The following CDH12 variants were observed in gnomAD, a reference collection of about 807,000 sequenced individuals.
CDH12 encodes the protein cadherin 12.
Under a neutral mutation model 74.1 loss-of-function variants are expected in CDH12, and 41 were observed. The observed-to-expected ratio is 0.55, with a 90% CI of 0.43 to 0.72. The LOEUF (loss-of-function observed/expected upper bound fraction) is 0.72. Among genes scored for constraint, CDH12 ranks in the 30% least tolerant of loss-of-function variants. The pLI is 0.00. For synonymous variants in CDH12, 399 were observed against 355.0 expected (o/e 1.12, Z -1.39); for missense variants, 945 against 977.2 (o/e 0.97, Z 0.44).
rs1742552176 is a variant in CDH12 at position 22,698,735 on chromosome 5, AGTG to A, written c.-523+154320_-523+154322del. Among the ~76,000 whole-genome samples the A allele has an allele frequency of 5.2e-3, 75 of 14,512 alleles. 13 individuals are homozygous for A. Among genetic ancestry groups the A allele is most frequent in the Non-Finnish European group, 7.5e-3 (64 of 8,514 alleles). The allele number at this position is 14,512 out of a possible 152,430, so 9.5% of individuals were successfully genotyped here. On this transcript the variant is annotated intron_variant, in intron 1 of 14. Transcript: ENST00000382254. ...TATATATATATATATATATATATAT[AGTG>A]TGTGTGTGTGTGTGTGTGTGTGTGT...
chr5:22,549,220 G>T (rs745335278), intron 1 of CDH12, among the ~76,000 whole-genome samples: 1 of 151,346 alleles, frequency 6.6e-6, no homozygotes, highest in African/African-American at 2.4e-5. Context: ...CAATCCTCCC[G>T]CCTAGGACTC....
chr5:22,414,610 T>C (rs1241530027), intron 2 of CDH12, among the ~76,000 whole-genome samples: 2 of 151,972 alleles, frequency 1.3e-5, no homozygotes, highest in Admixed American at 6.6e-5. Flanking sequence ...TTTCTAATTG[T>C]TAACATTATT....
intron 1 of CDH12, among the ~76,000 whole-genome samples, chr5:22,583,050 A>G (rs1740184714): frequency 6.6e-6 from 1 of 151,620 alleles, no homozygotes; most frequent in African/African-American, 2.4e-5. Context: ...AGGTACGCAG[A>G]AATAGTAACA....
chr5:21,980,123 A>G (rs1465182834), intron 5 of CDH12, among the ~76,000 whole-genome samples: 1 of 149,218 alleles, frequency 6.7e-6, no homozygotes, highest in East Asian at 1.9e-4. Flanking sequence ...CGCCCACTTC[A>G]TGTACCCTAA....
chr5:22,485,509 T>C (rs1483827807), intron 2 of CDH12, among the ~76,000 whole-genome samples: 3 of 152,226 alleles, frequency 2.0e-5, no homozygotes, highest in African/African-American at 7.2e-5. Flanking sequence ...TTTTTCATCC[T>C]TTTTATTCTT....
chr5:22,235,804 G>A (rs1752539868), intron 3 of CDH12, among the ~76,000 whole-genome samples: 1 of 152,108 alleles, frequency 6.6e-6, no homozygotes, highest in South Asian at 2.1e-4. Flanking sequence ...CTTAACACTA[G>A]GGATATGTTC....
At chr5:22,672,547 A>ACCG (rs1740960469) in intron 1 of CDH12, among the ~76,000 whole-genome samples, 1 of 151,784 alleles carries the variant, frequency 6.6e-6, no homozygotes, top group African/African-American at 2.4e-5. Flanking sequence ...TGCTTCCACC[A>ACCG]TCCACCCTTC....
chr5:21,991,721 C>T (rs1651431382), intron 5 of CDH12, among the ~76,000 whole-genome samples: 1 of 151,320 alleles, frequency 6.6e-6, no homozygotes, highest in Admixed American at 6.6e-5. Flanking sequence ...CATGAAGCTG[C>T]CTTACCGAAG....
intron 11 of CDH12, 99 bp from the exon 12 acceptor site, chr5:21,765,198 A>G: frequency 1.0e-6 from 1 of 993,716 alleles, no homozygotes; most frequent in Non-Finnish European, 1.4e-6. Flanking sequence ...CAGCCTTTAT[A>G]TAGAATGAAA....
chr5:21,812,354 T>A lies in CDH12; in HGVS notation c.1002+4591A>T, dbSNP rs147506886. Among the ~76,000 whole-genome samples the A allele has an allele frequency of 4.5e-4, 69 of 152,262 alleles. No individual in the cohort carries two copies. In the East Asian group the frequency reaches 0.01, roughly 23 times the overall value. On this transcript the variant is annotated intron_variant, in intron 9 of 14. Transcript: ENST00000382254. ...GAATCTGATTTTATATCAGAATTCT[T>A]GTATTGCAATATTGAAGGGAAAACC...
At chr5:21,997,786 G>A (rs1045310301) in intron 5 of CDH12, among the ~76,000 whole-genome samples, 3 of 151,992 alleles carry the variant, frequency 2.0e-5, no homozygotes, top group Non-Finnish European at 2.9e-5. Flanking sequence ...ATAGATAAGC[G>A]AAATCGATCT....
intron 1 of CDH12, among the ~76,000 whole-genome samples, chr5:22,813,935 G>A (rs1749268341): frequency 6.6e-6 from 1 of 152,222 alleles, no homozygotes; most frequent in South Asian, 2.1e-4. Context: ...CAGAAACTGT[G>A]AGGCAATAAC....
At chr5:22,609,421 C>T (rs1217123517) in intron 1 of CDH12, among the ~76,000 whole-genome samples, 1 of 152,148 alleles carries the variant, frequency 6.6e-6, no homozygotes, top group Non-Finnish European at 1.5e-5. Flanking sequence ...AGTTTCTGGC[C>T]TAAGTGTTTG....
At chr5:22,288,300 A>C (rs79695970) in intron 3 of CDH12, among the ~76,000 whole-genome samples, 1,973 of 152,278 alleles carry the variant, frequency 0.013, 50 homozygotes, top group African/African-American at 0.044. Context: ...GGTAAATATG[A>C]CCAATTTATG....
chr5:21,783,374 T>C lies in CDH12; in HGVS notation c.1377A>G (p.Ile459Met). 2 of 1,612,978 alleles carry C rather than the reference T, an allele frequency of 1.2e-6. No homozygotes were observed. Among genetic ancestry groups the C allele is most frequent in the South Asian group, 2.2e-5 (2 of 91,006 alleles). Residue 459 changes from isoleucine to methionine, a missense_variant, in exon 11 of 15, where the codon ATA becomes ATG. By Grantham distance (10) the Ile-to-Met change is conservative. Around this residue, in one of 3 missense-constraint regions of CDH12, gnomAD observed 791 missense variants for 792.8 expected, o/e 1.00. Coordinates refer to ENST00000382254, the MANE Select transcript of CDH12 (RefSeq NM_004061.5). The part of the protein sequence containing the change: ...RESTAQYNFS[I>M]IASKVSNPLL... ...CATACTTACTAACTTTACTCGCAAT[T>C]ATGGAGAAATTATACTGCGCAGTGC... is the stretch of plus-strand genomic sequence containing the variant.
chr5:22,556,818 A>G lies in CDH12; in HGVS notation c.-522-51454T>C, dbSNP rs546484238. 4.6e-5 allele frequency among the ~76,000 whole-genome samples: 7 copies of G among 152,146 alleles called. No individual in the cohort carries two copies. In the East Asian group the frequency reaches 1.4e-3, roughly 29 times the overall value. On this transcript the variant is annotated intron_variant, in intron 1 of 14. Coordinates refer to ENST00000382254, the MANE Select transcript of CDH12 (RefSeq NM_004061.5). ...TTCTTTTTCTGGCCCTTCGAGATGT[A>G]AATCTTCTACAACCCAGAAATGTCT...
At chr5:22,076,176 T>C (rs911746583) in intron 5 of CDH12, among the ~76,000 whole-genome samples, 1 of 152,134 alleles carries the variant, frequency 6.6e-6, no homozygotes, top group Non-Finnish European at 1.5e-5. Flanking sequence ...ATAATGCTGG[T>C]TAAATGTAAT....
At chr5:22,808,558 T>G (rs1050801936) in intron 1 of CDH12, among the ~76,000 whole-genome samples, 1 of 151,838 alleles carries the variant, frequency 6.6e-6, no homozygotes. Context: ...TTTAACTATT[T>G]GTTTTAAATA....
At chr5:21,928,064 T>C (rs930333171) in intron 6 of CDH12, among the ~76,000 whole-genome samples, 3 of 151,482 alleles carry the variant, frequency 2.0e-5, no homozygotes, top group African/African-American at 7.3e-5. Context: ...AGAGCGAGAC[T>C]CTTCCTAAAA....
Sources: gnomAD v4.1 joint callset for allele counts (sites outside exome capture counted in the v4.1 genomes callset) on GRCh38, gnomAD v4.1.1 for gene constraint, gnomAD v4.1.1 regional missense constraint, MANE v1.5 for transcripts, NCBI Gene and HGNC (gene_info 2026-07-23, HGNC 2026-07-21) for gene names.